The following PTPN13 variants were observed in gnomAD, a reference collection of about 807,000 sequenced individuals.
The protein encoded by PTPN13 is protein tyrosine phosphatase non-receptor type 13.
Under a neutral mutation model 284.0 loss-of-function variants are expected in PTPN13, and 191 were observed. The observed-to-expected ratio is 0.67, with a 90% CI of 0.60 to 0.76. The LOEUF (loss-of-function observed/expected upper bound fraction) is 0.76. Among genes scored for constraint, PTPN13 ranks in the 30% least tolerant of loss-of-function variants. The pLI is 0.00. For missense variants in PTPN13, 2,797 were observed against 2,939.9 expected (o/e 0.95, Z 1.12); for synonymous variants, 986 against 1,022.3 (o/e 0.96, Z 0.68).
chr4:86,614,514 A>G (rs564406236), intron 1 of PTPN13, among the ~76,000 whole-genome samples: 50 of 152,312 alleles, frequency 3.3e-4, no homozygotes, highest in African/African-American at 1.2e-3. Context: ...TACTTCTGAC[A>G]GAATACTTTT....
rs953154241 is a variant in PTPN13, at chr4:86,685,931, G to GA, written c.295-772dup. Reference sequence around the variant, plus strand: ...ACATCATTTGTAGTAGCAAAGGTTTGAAAAAAATTTTAATTCTCTATTAAT... The same window carrying GA: ...ACATCATTTGTAGTAGCAAAGGTTTGAAAAAAAATTTTAATTCTCTATTAAT... On this transcript the variant is annotated intron_variant, in intron 3 of 47. Coordinates refer to ENST00000411767, the MANE Select transcript of PTPN13 (RefSeq NM_080683.3). 1.1e-4 allele frequency among the ~76,000 whole-genome samples: 17 copies of GA among 152,012 alleles called. 1 individual carries two copies. Among genetic ancestry groups the GA allele is most frequent in the African/African-American group, 3.9e-4 (16 of 41,402 alleles).
At chr4:86,734,943 T>G (rs749751986) in intron 14 of PTPN13, 68 bp downstream of exon 14, 28 of 1,503,088 alleles carry the variant, frequency 1.9e-5, no homozygotes, top group Non-Finnish European at 2.4e-5. Flanking sequence ...AGTTAATGAC[T>G]AAACCTGATT....
chr4:86,771,512 C>A lies in PTPN13; in HGVS notation c.5145C>A (p.Pro1715=). ...TGTTTTACTATCCTCAGAAAATTCC[C>A]AATAAACCAGAGTTTGAGGACAGGT... ...CTMFYYPQKI[P]NKPEFEDSNP... is the part of the protein sequence containing the mutation. The change falls in exon 31 of 48, where the codon CCC becomes CCA. Residue 1715 remains proline, a synonymous_variant. Coordinates refer to ENST00000411767, the MANE Select transcript of PTPN13 (RefSeq NM_080683.3). 1 of 1,570,744 alleles carries A rather than the reference C, an allele frequency of 6.4e-7. No homozygotes were observed. The highest frequency in any genetic ancestry group is 1.3e-5 in the African/African-American group (1 of 74,354).
In PTPN13 at chr4:86,683,410, A is replaced by G. The variant is rs1047386989; in HGVS notation, c.295-3300A>G. ...CAGTTTGAGTCCAAAGGAGGAAAAC[A>G]CTGATGTTCCAGTTCTAAGGCAGTT... is the stretch of plus-strand genomic sequence containing the variant. On this transcript the variant is annotated intron_variant, in intron 3 of 47. Coordinates refer to ENST00000411767, the MANE Select transcript of PTPN13 (RefSeq NM_080683.3). 3.3e-5 allele frequency among the ~76,000 whole-genome samples: 5 copies of G among 152,340 alleles called. 1 individual carries two copies. The highest frequency in any genetic ancestry group is 2.6e-4 in the Admixed American group (4 of 15,304).
chr4:86,747,549 G>GGCAGCAGCAGCAGCA (rs78831573), intron 17 of PTPN13, among the ~76,000 whole-genome samples: 21 of 143,720 alleles, frequency 1.5e-4, no homozygotes, highest in African/African-American at 4.2e-4. Flanking sequence ...CAGCAGCAGC[G>GGCAGCAGCAGCAGCA]GCAGCAGCAG....
At chr4:86,760,197 C>T (rs553675373) in intron 23 of PTPN13, among the ~76,000 whole-genome samples, 4 of 152,118 alleles carry the variant, frequency 2.6e-5, no homozygotes, top group South Asian at 2.1e-4. Context: ...CAAACACAAT[C>T]GATAGAAGGG....
At chr4:86,677,530 G>A (rs1728424712) in intron 3 of PTPN13, among the ~76,000 whole-genome samples, 2 of 151,546 alleles carry the variant, frequency 1.3e-5, no homozygotes, top group South Asian at 2.1e-4. Flanking sequence ...GGCCAGGATG[G>A]TCTCGATCGC....
chr4:86,651,286 C>G (rs937381440), intron 2 of PTPN13, among the ~76,000 whole-genome samples: 10 of 152,074 alleles, frequency 6.6e-5, no homozygotes, highest in Admixed American at 2.0e-4. Context: ...AATGAATGAT[C>G]TTTTTATTGC....
chr4:86,601,421 C>T (rs1764284608), intron 1 of PTPN13, among the ~76,000 whole-genome samples: 1 of 152,036 alleles, frequency 6.6e-6, no homozygotes, highest in African/African-American at 2.4e-5. Context: ...TATAATTTAA[C>T]ATATTCCCCT....
intron 6 of PTPN13, among the ~76,000 whole-genome samples, chr4:86,699,489 C>A (rs752100232): frequency 6.6e-6 from 1 of 151,954 alleles, no homozygotes; most frequent in African/African-American, 2.4e-5. Context: ...TATGACAACA[C>A]CATCAGCCAA....
intron 2 of PTPN13, among the ~76,000 whole-genome samples, chr4:86,664,865 A>G (rs1195130988): frequency 6.6e-6 from 1 of 152,206 alleles, no homozygotes; most frequent in Non-Finnish European, 1.5e-5. Context: ...CAGGTGGCCA[A>G]GAAATCAAGA....
intron 37 of PTPN13, among the ~76,000 whole-genome samples, chr4:86,784,237 G>A (rs567882135): frequency 3.9e-5 from 6 of 152,198 alleles, no homozygotes; most frequent in African/African-American, 1.4e-4. Context: ...AAAATTTTGA[G>A]TTAATGTTGT....
chr4:86,766,340 C>T (rs1057378987), intron 26 of PTPN13, 92 bp from the exon 27 acceptor site: 3 of 968,490 alleles, frequency 3.1e-6, no homozygotes, highest in Non-Finnish European at 4.6e-6. Flanking sequence ...TTGCCTGAGT[C>T]CCTCCTCAAA....
At chr4:86,811,532 C>T (rs1745209235) in intron 47 of PTPN13, among the ~76,000 whole-genome samples, 1 of 152,318 alleles carries the variant, frequency 6.6e-6, no homozygotes, top group South Asian at 2.1e-4. Flanking sequence ...GCAAGGCAGG[C>T]TGGAGTTGCT....
intron 9 of PTPN13, among the ~76,000 whole-genome samples, chr4:86,718,455 C>CTTTTTTTTTTTTTTTTTTTT (rs796389778): frequency 0.011 from 1,478 of 139,846 alleles, 73 homozygotes; most frequent in Non-Finnish European, 0.017. Context: ...TAATGGTCCA[C>CTTTTTTTTTTTTTTTTTTTT]TTTTTTTTTT....
chr4:86,802,782 A>T (rs565937117), intron 42 of PTPN13, among the ~76,000 whole-genome samples: 10 of 152,252 alleles, frequency 6.6e-5, no homozygotes, highest in Admixed American at 2.6e-4. Flanking sequence ...ATATTTAAAG[A>T]CTTTTCTGGC....
chr4:86,673,919 C>T (rs2148898490), intron 3 of PTPN13, among the ~76,000 whole-genome samples: 1 of 152,252 alleles, frequency 6.6e-6, no homozygotes, highest in Non-Finnish European at 1.5e-5. Context: ...GCTGGCTAGG[C>T]TGGTCTTGAA....
chr4:86,759,624 G>T (rs929003943), intron 23 of PTPN13, among the ~76,000 whole-genome samples: 2 of 152,176 alleles, frequency 1.3e-5, no homozygotes, highest in Admixed American at 6.6e-5. Flanking sequence ...CCCCTGTGGC[G>T]TAGAACAGTG....
intron 7 of PTPN13, among the ~76,000 whole-genome samples, chr4:86,702,640 A>C (rs1731289095): frequency 6.6e-6 from 1 of 152,204 alleles, no homozygotes; most frequent in African/African-American, 2.4e-5. Context: ...TGTTGATTGG[A>C]GTAAAATTAT....
Sources: allele counts gnomAD v4.1 joint callset (sites outside exome capture counted in the v4.1 genomes callset), GRCh38; gene constraint gnomAD v4.1.1; transcripts MANE v1.5; gene names NCBI Gene and HGNC (gene_info 2026-07-23, HGNC 2026-07-21).